Variants in ASB4 observed in about 807,000 individuals in gnomAD.
ASB4 encodes the protein ankyrin repeat and SOCS box containing 4.
In ASB4, 35 loss-of-function variants were observed where a neutral mutation model predicts 38.6. The ratio of observed to expected loss-of-function variants is 0.91; its 90% CI spans 0.69 to 1.20. ASB4 has a LOEUF of 1.20. Ranked by LOEUF, ASB4 falls within the 50% of genes most tolerant of loss-of-function variation. The pLI is 0.00. For synonymous variants in ASB4, 195 were observed against 201.3 expected, an observed-to-expected ratio of 0.97 and a Z score of 0.26; for missense variants, 557 against 527.2, an observed-to-expected ratio of 1.06 and a Z score of -0.55.
At position 95,537,947 on chromosome 7, in the gene ASB4, A is replaced by G. The variant is rs1232751661; in HGVS notation, c.*188A>G. 1.8e-6 allele frequency: 1 copy of G among 567,404 alleles called. No homozygotes were observed. The highest frequency in any genetic ancestry group is 1.9e-5 in the African/African-American group (1 of 53,596). 35.1% of individuals were successfully genotyped at this position (567,404 alleles called of 1,614,324 possible). A position where few individuals can be genotyped will look rare whatever the true frequency, so the allele number is the denominator to read the frequency against. ...AAATAAAGAAGAAGTAAAGTTAAGG[A>G]ATTTTCAAAGACAAGGATGTATTCA... On this transcript the variant is annotated 3_prime_UTR_variant, in exon 5 of 5. Coordinates refer to ENST00000325885, the MANE Select transcript of ASB4 (RefSeq NM_016116.3).
At chr7:95,521,443 T>C (rs1370324234) in intron 2 of ASB4, among the ~76,000 whole-genome samples, 1 of 152,110 alleles carries the variant, frequency 6.6e-6, no homozygotes, top group Non-Finnish European at 1.5e-5. Flanking sequence ...GGAAATGATT[T>C]TGAACCTTTA....
At chr7:95,549,575 G>C in the ASB4 span, among the ~76,000 whole-genome samples, 2 of 151,998 alleles carry the variant, frequency 1.3e-5, no homozygotes, top group African/African-American at 4.8e-5. Context: ...GGGATTATAG[G>C]CGTGAGCCAC....
upstream of ASB4, among the ~76,000 whole-genome samples, chr7:95,484,799 T>C (rs1378419272): frequency 2.0e-5 from 3 of 151,990 alleles, no homozygotes; most frequent in East Asian, 5.8e-4. Context: ...AAAAATTAAG[T>C]GTATACTTTT....
At chr7:95,490,094 C>A (rs1790150571) in intron 1 of ASB4, among the ~76,000 whole-genome samples, 1 of 152,116 alleles carries the variant, frequency 6.6e-6, no homozygotes, top group Non-Finnish European at 1.5e-5. Flanking sequence ...TCGTTTATGG[C>A]CCATAGCCAC....
intron 2 of ASB4, among the ~76,000 whole-genome samples, chr7:95,497,157 A>C (rs956978482): frequency 3.3e-5 from 5 of 152,092 alleles, no homozygotes; most frequent in Non-Finnish European, 5.9e-5. Flanking sequence ...GCCACAAAAA[A>C]GTTTTCAGTA....
chr7:95,536,145 A>G (rs1337066375), intron 3 of ASB4, among the ~76,000 whole-genome samples: 1 of 152,208 alleles, frequency 6.6e-6, no homozygotes. Context: ...GTGGCAGTGT[A>G]CTGGAATACT....
In ASB4 at chr7:95,528,055, G is replaced by T; in HGVS notation, c.730G>T (p.Glu244Ter). Residue 244 changes from glutamate to a stop codon, truncating the protein, a stop_gained, in exon 3 of 5, where the codon GAA (glutamate) becomes TAA (stop). Transcript: ENST00000325885. LOFTEE classifies it high-confidence loss of function. ...CCGCATGCTGCTTGACTACAAAGCC[G>T]AAGTCAATGCCCGAGATGACGACTT... ...VCRMLLDYKA[E>*]VNARDDDFKS... 1.9e-6 allele frequency: 3 copies of T among 1,614,106 alleles called. No homozygotes were observed. Among genetic ancestry groups the T allele is most frequent in the Non-Finnish European group, 2.5e-6 (3 of 1,180,036 alleles).
At chr7:95,484,356 T>A (rs1441882152), upstream of ASB4, among the ~76,000 whole-genome samples, 1 of 152,036 alleles carries the variant, frequency 6.6e-6, no homozygotes, top group Non-Finnish European at 1.5e-5. Flanking sequence ...ACAAAACTAA[T>A]CTATAGTATT....
the ASB4 span, among the ~76,000 whole-genome samples, chr7:95,549,314 T>TA: frequency 6.8e-6 from 1 of 147,592 alleles, no homozygotes; most frequent in African/African-American, 2.5e-5. Context: ...TTTTTTTTTT[T>TA]GAGATGGAGT....
At chr7:95,514,768 A>AGATTTTTCC (rs1790531619) in intron 2 of ASB4, among the ~76,000 whole-genome samples, 1 of 152,234 alleles carries the variant, frequency 6.6e-6, no homozygotes, top group Non-Finnish European at 1.5e-5. Context: ...ACACACGGGA[A>AGATTTTTCC]GATAATTCTG....
intron 2 of ASB4, among the ~76,000 whole-genome samples, chr7:95,525,630 C>T (rs1790726646): frequency 6.6e-6 from 1 of 152,138 alleles, no homozygotes; most frequent in Non-Finnish European, 1.5e-5. Flanking sequence ...GAATTTCATC[C>T]TGACCCTTTG....
At chr7:95,551,211 C>T in the ASB4 span, among the ~76,000 whole-genome samples, 2,010 of 152,256 alleles carry the variant, frequency 0.013, 50 homozygotes, top group African/African-American at 0.046. Flanking sequence ...AAACTCCTCA[C>T]CTCGGGACAT....
intron 2 of ASB4, among the ~76,000 whole-genome samples, chr7:95,515,169 CTTTCTTTCTTTCTTTCTTTCTTTCTT>C (rs1790540745): frequency 1.2e-3 from 67 of 56,342 alleles, no homozygotes; most frequent in African/African-American, 4.1e-3. Context: ...TTCTCTTTCT[CTTTCTTTCTTTCTTTCTTTCTTTCTT>C]TCTTTCTTTC....
At chr7:95,524,856 G>C (rs1368605892) in intron 2 of ASB4, among the ~76,000 whole-genome samples, 5 of 152,350 alleles carry the variant, frequency 3.3e-5, no homozygotes, top group African/African-American at 1.2e-4. Flanking sequence ...CCTGCCGTTT[G>C]CAGTGGGGAG....
At chr7:95,505,467 A>G (rs1400560192) in intron 2 of ASB4, among the ~76,000 whole-genome samples, 1 of 152,150 alleles carries the variant, frequency 6.6e-6, no homozygotes, top group African/African-American at 2.4e-5. Flanking sequence ...CAAGGTTTAT[A>G]ATGAAAAATG....
upstream of ASB4, among the ~76,000 whole-genome samples, chr7:95,476,895 C>T (rs1789982778): frequency 6.6e-6 from 1 of 152,188 alleles, no homozygotes; most frequent in Admixed American, 6.5e-5. Context: ...CAACCCACTC[C>T]TCCTCCAAAC....
chr7:95,533,440 G>A (rs991411981), intron 3 of ASB4, among the ~76,000 whole-genome samples: 3 of 152,080 alleles, frequency 2.0e-5, no homozygotes, highest in Non-Finnish European at 2.9e-5. Context: ...ACAACTTTTC[G>A]TTTATCCTTT....
the ASB4 span, chr7:95,471,751 GC>G: frequency 6.6e-6 from 1 of 151,958 alleles, no homozygotes. Flanking sequence ...TGCAGCTGGG[GC>G]AAAGGTAGCA....
At chr7:95,508,883 C>T (rs1790444833) in intron 2 of ASB4, among the ~76,000 whole-genome samples, 1 of 152,100 alleles carries the variant, frequency 6.6e-6, no homozygotes, top group African/African-American at 2.4e-5. Flanking sequence ...ACTGAACAAG[C>T]AAGATGCAAA....
Sources: gnomAD v4.1 joint callset for allele counts (sites outside exome capture counted in the v4.1 genomes callset) on GRCh38, gnomAD v4.1.1 for gene constraint, MANE v1.5 for transcripts, NCBI Gene and HGNC (gene_info 2026-07-23, HGNC 2026-07-21) for gene names.